MALRD1: variants seen among roughly 807,000 people sequenced by gnomAD.
MALRD1 encodes MAM and LDL-receptor class A domain-containing protein 1.
A neutral mutation model predicts 242.1 loss-of-function variants in MALRD1; 247 were observed. The ratio of observed to expected loss-of-function variants is 1.02; its 90% CI spans 0.92 to 1.13. The LOEUF is 1.13. Among genes scored for constraint, MALRD1 ranks in the 50% most tolerant of loss-of-function variants. MALRD1 has a pLI of 0.00. For synonymous variants in MALRD1, 995 were observed against 866.6 expected (o/e 1.15, Z -2.60); for missense variants, 2,989 against 2,533.1 (o/e 1.18, Z -3.86).
intron 33 of MALRD1, among the ~76,000 whole-genome samples, chr10:19,575,903 C>T (rs1836798451): frequency 6.6e-6 from 1 of 152,142 alleles, no homozygotes; most frequent in Non-Finnish European, 1.5e-5. Flanking sequence ...TATACAACTC[C>T]CAAATTAGTC....
At chr10:19,428,075 T>C (rs891268049) in intron 28 of MALRD1, among the ~76,000 whole-genome samples, 3 of 148,680 alleles carry the variant, frequency 2.0e-5, no homozygotes, top group Non-Finnish European at 4.5e-5. Context: ...TCCCACCTTG[T>C]GGACAGAATA....
At position 19,205,092 on chromosome 10, in the gene MALRD1, G is replaced by C; in HGVS notation, c.2405G>C (p.Gly802Ala). The change falls in exon 17 of 40, where the codon GGG becomes GCG. Residue 802 changes from glycine to alanine, a missense_variant. By Grantham distance (60) the Gly-to-Ala change is moderately conservative. Coordinates refer to ENST00000454679, the MANE Select transcript of MALRD1 (RefSeq NM_001142308.3). Reference protein sequence around the residue: ...LDKVSLGIYDGVSAIDDIRFE... With the variant: ...LDKVSLGIYDAVSAIDDIRFE... Reference sequence around the variant, plus strand: ...AAAGTCAGTCTGGGCATTTATGATGGGGTCTCAGCTATTGATGACATCCGA... The same window carrying C: ...AAAGTCAGTCTGGGCATTTATGATGCGGTCTCAGCTATTGATGACATCCGA... The C allele has an allele frequency of 6.4e-7, 1 of 1,550,628 alleles. No homozygotes were observed. Among genetic ancestry groups the C allele is most frequent in the East Asian group, 2.4e-5 (1 of 40,900 alleles).
chr10:19,192,676 T>C (rs1836042441), intron 14 of MALRD1, among the ~76,000 whole-genome samples: 1 of 152,218 alleles, frequency 6.6e-6, no homozygotes, highest in Non-Finnish European at 1.5e-5. Context: ...CATGTCATCC[T>C]AGACATCTGA....
In MALRD1 at chr10:19,531,201, T is replaced by C; in HGVS notation, c.5328T>C (p.Gly1776=). 6.5e-7 allele frequency: 1 copy of C among 1,548,628 alleles called. No homozygotes were observed. ...TTGTTAATCTATTTCAAGGTAGTGGTCAGCACTTCCTGTACGTCAACTCAT... is the reference window on the plus strand; with the variant it reads ...TTGTTAATCTATTTCAAGGTAGTGGCCAGCACTTCCTGTACGTCAACTCAT... The part of the protein sequence containing the change: ...IPDSDHTPGS[G]QHFLYVNSSG... Residue 1776 remains glycine (G), a synonymous_variant, in exon 32 of 40, where the codon GGT becomes GGC. Transcript: ENST00000454679.
At chr10:19,467,696 T>C (rs1485840159) in intron 29 of MALRD1, among the ~76,000 whole-genome samples, 2 of 5,680 alleles carry the variant, frequency 3.5e-4, no homozygotes, top group Non-Finnish European at 8.4e-4. Flanking sequence ...CTTTTTTGGC[T>C]TTTTTTTGTC....
intron 26 of MALRD1, among the ~76,000 whole-genome samples, chr10:19,378,854 T>C (rs1174786832): frequency 6.6e-6 from 1 of 152,132 alleles, no homozygotes; most frequent in Non-Finnish European, 1.5e-5. Context: ...CCTCTTCCTC[T>C]ATTTTATGGA....
intron 19 of MALRD1, among the ~76,000 whole-genome samples, chr10:19,265,684 G>A (rs1839944235): frequency 6.6e-6 from 1 of 152,020 alleles, no homozygotes. Flanking sequence ...TTGAGAAGGT[G>A]TATTCTGCTG....
chr10:19,527,376 G>A (rs1336314810), intron 31 of MALRD1, among the ~76,000 whole-genome samples: 1 of 152,152 alleles, frequency 6.6e-6, no homozygotes, highest in Non-Finnish European at 1.5e-5. Context: ...GAGTTTCAAT[G>A]TATGTATGCA....
At chr10:19,529,872 A>C (rs184349099) in intron 31 of MALRD1, among the ~76,000 whole-genome samples, 1 of 152,098 alleles carries the variant, frequency 6.6e-6, no homozygotes, top group East Asian at 1.9e-4. Flanking sequence ...GAAACATTAC[A>C]TAACATTATG....
rs183303217 is a variant in MALRD1, at chr10:19,235,833, T to G, written c.2992-21851T>G. Reference sequence around the variant, plus strand: ...TGAAGTGGGAGAAGGAGAGGGAGTTTTAGGGGGAAAGATGAGTTGTTTTTA... The same window carrying G: ...TGAAGTGGGAGAAGGAGAGGGAGTTGTAGGGGGAAAGATGAGTTGTTTTTA... On this transcript the variant is annotated intron_variant, in intron 18 of 39. Transcript: ENST00000454679. 2.0e-5 allele frequency among the ~76,000 whole-genome samples: 3 copies of G among 152,022 alleles called. 1 individual carries two copies. The East Asian group carries it at 5.8e-4, about 29-fold the overall frequency.
chr10:19,572,921 C>T lies in MALRD1; in HGVS notation c.5680+5218C>T, dbSNP rs565057270. ...CAGGGCTCTAGCAATACTTTGAATT[C>T]AGACTTCTGGCCTCCACAACTATGG... On this transcript the variant is annotated intron_variant, in intron 33 of 39. Coordinates refer to ENST00000454679, the MANE Select transcript of MALRD1 (RefSeq NM_001142308.3). Among the ~76,000 whole-genome samples the T allele has an allele frequency of 3.9e-5, 6 of 152,314 alleles. No individual in the cohort carries two copies. In the South Asian group the frequency reaches 6.2e-4, roughly 16 times the overall value.
intron 18 of MALRD1, among the ~76,000 whole-genome samples, chr10:19,233,848 C>T (rs1838186674): frequency 6.7e-6 from 1 of 150,192 alleles, no homozygotes; most frequent in African/African-American, 2.4e-5. Flanking sequence ...CAATTGGTTT[C>T]TTTTTTTTTA....
chr10:19,305,733 A>G (rs1842134130), intron 21 of MALRD1, among the ~76,000 whole-genome samples: 1 of 147,222 alleles, frequency 6.8e-6, no homozygotes. Context: ...ATTAGCATTC[A>G]ACCAATTCTA....
At chr10:19,086,420 G>T (rs143294826) in intron 2 of MALRD1, among the ~76,000 whole-genome samples, 1 of 152,102 alleles carries the variant, frequency 6.6e-6, no homozygotes, top group East Asian at 1.9e-4. Flanking sequence ...AGAAAACAAT[G>T]GTTCTCAGAT....
intron 36 of MALRD1, among the ~76,000 whole-genome samples, chr10:19,634,815 A>T (rs1840058376): frequency 6.6e-6 from 1 of 152,164 alleles, no homozygotes; most frequent in Non-Finnish European, 1.5e-5. Context: ...GACCTATTTG[A>T]AAAACAACAA....
intron 36 of MALRD1, among the ~76,000 whole-genome samples, chr10:19,624,101 G>A (rs1290971264): frequency 6.6e-6 from 1 of 152,088 alleles, no homozygotes; most frequent in Non-Finnish European, 1.5e-5. Flanking sequence ...GGTGAATTTG[G>A]TAATCTCTCA....
chr10:19,672,427 T>A (rs546911561), intron 36 of MALRD1, among the ~76,000 whole-genome samples: 1,866 of 150,788 alleles, frequency 0.012, 25 homozygotes, highest in African/African-American at 0.044. Flanking sequence ...TTTTTTTTTT[T>A]TTGTATTTTG....
chr10:19,706,529 T>C (rs28546585), intron 38 of MALRD1, among the ~76,000 whole-genome samples: 11,335 of 152,090 alleles, frequency 0.075, 516 homozygotes, highest in African/African-American at 0.11. Flanking sequence ...TTTTGTATTT[T>C]TAGTAGAGAC....
intron 38 of MALRD1, among the ~76,000 whole-genome samples, chr10:19,693,757 C>G (rs1191024355): frequency 6.6e-6 from 1 of 152,034 alleles, no homozygotes; most frequent in Non-Finnish European, 1.5e-5. Flanking sequence ...AAAAAGAGCC[C>G]GCATTGCCAA....
Sources: gnomAD v4.1 joint callset for allele counts (sites outside exome capture counted in the v4.1 genomes callset) on GRCh38, gnomAD v4.1.1 for gene constraint, MANE v1.5 for transcripts, NCBI Gene and HGNC (gene_info 2026-07-23, HGNC 2026-07-21) for gene names.